The following CHN2 variants were observed in gnomAD, a reference collection of about 807,000 sequenced individuals.
CHN2 encodes chimerin 2, also known as beta-chimaerin.
A neutral mutation model predicts 56.3 loss-of-function variants in CHN2; 35 were observed. The observed-to-expected ratio is 0.62, with a 90% CI of 0.47 to 0.82. The LOEUF is 0.82. Among genes scored for constraint, CHN2 ranks in the 40% least tolerant of loss-of-function variants. CHN2 has a pLI of 0.00. For missense variants in CHN2, 491 were observed against 580.5 expected (o/e 0.85, Z 1.58); for synonymous variants, 210 against 212.8 (o/e 0.99, Z 0.12).
chr7:29,426,842 T>G (rs1804903449), intron 6 of CHN2, among the ~76,000 whole-genome samples: 1 of 152,202 alleles, frequency 6.6e-6, no homozygotes, highest in Admixed American at 6.5e-5. Context: ...TATGAGCTCC[T>G]TACTTCCTTG....
chr7:29,173,162 T>A (rs1386530204), intron 2 of CHN2, among the ~76,000 whole-genome samples: 1 of 148,850 alleles, frequency 6.7e-6, no homozygotes, highest in African/African-American at 2.5e-5. Context: ...GATGAGATAG[T>A]TTTTAAAAAA....
At chr7:29,355,214 G>A (rs745804014) in intron 2 of CHN2, among the ~76,000 whole-genome samples, 49 of 152,000 alleles carry the variant, frequency 3.2e-4, no homozygotes, top group African/African-American at 4.1e-4. Context: ...CAGATGATCC[G>A]CCTGCCTCGG....
At chr7:29,220,453 A>G (rs1235502423) in intron 1 of CHN2, among the ~76,000 whole-genome samples, 1 of 152,102 alleles carries the variant, frequency 6.6e-6, no homozygotes, top group Non-Finnish European at 1.5e-5. Flanking sequence ...AATACAATGA[A>G]TTTCAGAAAA....
rs60652952 is a variant in CHN2 at position 29,381,809 on chromosome 7, C to CAAAAAAA, written c.145-11849_145-11843dup. On this transcript the variant is annotated intron_variant, in intron 3 of 12. Coordinates refer to ENST00000222792, the MANE Select transcript of CHN2 (RefSeq NM_004067.4). ...AAAAGTCTATTCTCACTAAACTAAG[C>CAAAAAAA]AAAAAAAAAAAAAAAAAAAAAAAAA... Among the ~76,000 whole-genome samples, 63 of 39,516 alleles carry CAAAAAAA rather than the reference C, an allele frequency of 1.6e-3. 13 individuals are homozygous for CAAAAAAA. Among genetic ancestry groups the CAAAAAAA allele is most frequent in the East Asian group, 3.6e-3 (3 of 842 alleles). 25.9% of individuals were successfully genotyped at this position (39,516 alleles called of 152,430 possible).
intron 7 of CHN2, among the ~76,000 whole-genome samples, chr7:29,495,660 A>G (rs753664803): frequency 5.9e-5 from 9 of 152,188 alleles, no homozygotes; most frequent in Non-Finnish European, 1.3e-4. Flanking sequence ...GGGTTTGTCC[A>G]CACAGTGCCT....
At chr7:29,324,970 GTC>G (rs1449572322) in intron 1 of CHN2, among the ~76,000 whole-genome samples, 19 of 152,210 alleles carry the variant, frequency 1.2e-4, no homozygotes, top group African/African-American at 3.6e-4. Context: ...TGAGCTACCT[GTC>G]TCTGTGTCTA....
At chr7:29,282,271 T>C (rs1042415893) in intron 1 of CHN2, among the ~76,000 whole-genome samples, 1 of 152,206 alleles carries the variant, frequency 6.6e-6, no homozygotes, top group Non-Finnish European at 1.5e-5. Flanking sequence ...CAGATTGTGA[T>C]TGACACATCT....
intron 6 of CHN2, chr7:29,445,178 G>A: frequency 2.2e-6 from 1 of 455,876 alleles, no homozygotes; most frequent in East Asian, 7.0e-5. Context: ...GTAGACTAGT[G>A]TGGAGCCCAG....
Position 29,457,563 on chromosome 7 carries a change from A to G in CHN2, c.577-22716A>G, listed in dbSNP as rs1036811629. The stretch of plus-strand genomic sequence containing the variant: ...GTATATTCCTACTCATTAAGTTACT[A>G]TAATTATACCCACATGGGGTATAAT... On this transcript the variant is annotated intron_variant, in intron 6 of 12. Coordinates refer to ENST00000222792, the MANE Select transcript of CHN2 (RefSeq NM_004067.4). Among the ~76,000 whole-genome samples, 3 of 152,180 alleles carry G rather than the reference A, an allele frequency of 2.0e-5. No individual in the cohort carries two copies. In the South Asian group the frequency reaches 6.2e-4, roughly 32 times the overall value.
chr7:29,256,133 C>A (rs532577394), intron 1 of CHN2, among the ~76,000 whole-genome samples: 1 of 152,192 alleles, frequency 6.6e-6, no homozygotes, highest in Admixed American at 6.5e-5. Flanking sequence ...GAGCTTTCAC[C>A]TTTAGGTTGT....
At chr7:29,271,251 G>C (rs1233469896) in intron 1 of CHN2, among the ~76,000 whole-genome samples, 1 of 152,222 alleles carries the variant, frequency 6.6e-6, no homozygotes, top group Non-Finnish European at 1.5e-5. Flanking sequence ...ACAGTCCGGA[G>C]ACAAGTTCAA....
chr7:29,440,838 T>C (rs1024865211), intron 6 of CHN2, among the ~76,000 whole-genome samples: 5 of 152,154 alleles, frequency 3.3e-5, no homozygotes, highest in Non-Finnish European at 5.9e-5. Flanking sequence ...CTGTGGCCAA[T>C]TGATTTTTTG....
intron 7 of CHN2, among the ~76,000 whole-genome samples, chr7:29,493,049 T>G (rs1394997041): frequency 6.6e-6 from 1 of 152,216 alleles, no homozygotes; most frequent in African/African-American, 2.4e-5. Flanking sequence ...GAACCACATA[T>G]ATCATGGTGA....
chr7:29,420,598 T>G (rs1000126940), intron 6 of CHN2, among the ~76,000 whole-genome samples: 5 of 152,196 alleles, frequency 3.3e-5, no homozygotes, highest in Non-Finnish European at 7.3e-5. Flanking sequence ...AGCAGTCATA[T>G]TCACAGCAAC....
chr7:29,348,297 A>C (rs1178949715), intron 1 of CHN2, among the ~76,000 whole-genome samples: 1 of 152,118 alleles, frequency 6.6e-6, no homozygotes, highest in East Asian at 1.9e-4. Context: ...GGTTTAGTTA[A>C]AACTTTAGCA....
intron 6 of CHN2, among the ~76,000 whole-genome samples, chr7:29,406,458 G>A (rs976032501): frequency 2.6e-5 from 4 of 152,166 alleles, no homozygotes; most frequent in Admixed American, 1.3e-4. Context: ...CAGGCATGCT[G>A]GAGAGCTAGG....
intron 6 of CHN2, among the ~76,000 whole-genome samples, chr7:29,469,229 C>T (rs969627401): frequency 6.6e-6 from 1 of 152,176 alleles, no homozygotes; most frequent in Non-Finnish European, 1.5e-5. Context: ...TCCTTATCAC[C>T]TCCACTGCTC....
Position 29,432,622 on chromosome 7 carries a change from A to G in CHN2, c.576+31794A>G, listed in dbSNP as rs555786021. 7.7e-4 allele frequency among the ~76,000 whole-genome samples: 117 copies of G among 152,348 alleles called. 1 individual carries two copies. Among genetic ancestry groups the G allele is most frequent in the African/African-American group, 2.7e-3 (113 of 41,574 alleles). On this transcript the variant is annotated intron_variant, in intron 6 of 12. Coordinates refer to ENST00000222792, the MANE Select transcript of CHN2 (RefSeq NM_004067.4). ...AGGAATCAACATCATTAGTAAATACATATGGAAATGTGATCCATTTCGCTG... is the reference window on the plus strand; with the variant it reads ...AGGAATCAACATCATTAGTAAATACGTATGGAAATGTGATCCATTTCGCTG...
chr7:29,369,632 C>T (rs912890776), intron 3 of CHN2, among the ~76,000 whole-genome samples: 8 of 152,164 alleles, frequency 5.3e-5, no homozygotes, highest in African/African-American at 1.9e-4. Flanking sequence ...CTCTCGGTTT[C>T]TCAAAATCCT....
Sources: gnomAD v4.1 joint callset for allele counts (sites outside exome capture counted in the v4.1 genomes callset) on GRCh38, gnomAD v4.1.1 for gene constraint, MANE v1.5 for transcripts, NCBI Gene and HGNC (gene_info 2026-07-23, HGNC 2026-07-21) for gene names.